The following FAM193A variants were observed in gnomAD, a reference collection of about 807,000 sequenced individuals.
FAM193A encodes protein FAM193A.
In FAM193A, 22 loss-of-function variants were observed where a neutral mutation model predicts 126.5. That is an observed-to-expected ratio of 0.17 (90% CI 0.12 to 0.25). FAM193A has a LOEUF of 0.25. Among genes scored for constraint, FAM193A ranks in the 10% least tolerant of loss-of-function variants. The pLI is 1.00. For synonymous variants in FAM193A, 761 were observed against 646.8 expected, an observed-to-expected ratio of 1.18 and a Z score of -2.68; for missense variants, 1,675 against 1,672.8, an observed-to-expected ratio of 1.00 and a Z score of -0.02.
chr4:2,639,608 G>T, intron 5 of FAM193A, 127 bp from the exon 6 acceptor site: 1 of 633,098 alleles, frequency 1.6e-6, no homozygotes, highest in Non-Finnish European at 2.7e-6. Context: ...GAACACTCTG[G>T]GCCTGTGAAG....
At position 2,597,909 on chromosome 4, in the gene FAM193A, G is replaced by A. The variant is rs1190605086; in HGVS notation, c.501+1580G>A. Among the ~76,000 whole-genome samples, 4 of 151,550 alleles carry A rather than the reference G, an allele frequency of 2.6e-5. No homozygotes were observed. The East Asian group carries it at 7.7e-4, about 29-fold the overall frequency. ...CCTAGCCTCTGGTAACCACTCACCT[G>A]AATTTTTTTTTTTGAGACAGAGTCT... On this transcript the variant is annotated intron_variant, in intron 2 of 20. Coordinates refer to ENST00000637812, the MANE Select transcript of FAM193A (RefSeq NM_001366318.2).
intron 2 of FAM193A, among the ~76,000 whole-genome samples, chr4:2,597,645 C>T (rs1416035017): frequency 1.3e-5 from 2 of 152,100 alleles, no homozygotes; most frequent in Non-Finnish European, 2.9e-5. Context: ...GAAACAGTGA[C>T]CTTGGGAACA....
intron 1 of FAM193A, among the ~76,000 whole-genome samples, chr4:2,554,887 T>G (rs1018270658): frequency 1.3e-5 from 2 of 152,172 alleles, no homozygotes; most frequent in African/African-American, 4.8e-5. Context: ...TAATATAGCC[T>G]CTCCAGCTTT....
At position 2,596,701 on chromosome 4, in the gene FAM193A, C is replaced by G. The variant is rs191686888; in HGVS notation, c.501+372C>G. 2.8e-3 allele frequency among the ~76,000 whole-genome samples: 427 copies of G among 152,320 alleles called. 2 individuals carry two copies. The highest frequency in any genetic ancestry group is 8.9e-3 in the African/African-American group (369 of 41,558). ...TAATTCTTTACGCGATGCTCTTAAG[C>G]CTCACCTTCCCTTTTACTTATTTGT... On this transcript the variant is annotated intron_variant, in intron 2 of 20. Coordinates refer to ENST00000637812, the MANE Select transcript of FAM193A (RefSeq NM_001366318.2).
At chr4:2,691,581 G>A (rs1716384091) in intron 15 of FAM193A, among the ~76,000 whole-genome samples, 1 of 152,072 alleles carries the variant, frequency 6.6e-6, no homozygotes, top group Admixed American at 6.5e-5. Flanking sequence ...GCAATAATGT[G>A]ATCAGAGACC....
At chr4:2,703,308 G>A (rs562470996) in intron 19 of FAM193A, among the ~76,000 whole-genome samples, 5 of 152,204 alleles carry the variant, frequency 3.3e-5, no homozygotes, top group South Asian at 4.1e-4. Flanking sequence ...GTGCAATGGC[G>A]CAATCTCGGC....
chr4:2,701,776 TGATTTTTTTTTTTTTTTGA>T (rs1452279275), intron 19 of FAM193A, among the ~76,000 whole-genome samples: 1 of 150,582 alleles, frequency 6.6e-6, no homozygotes, highest in Non-Finnish European at 1.5e-5. Context: ...TGTCATATGG[TGATTTTTTTTTTTTTTTGA>T]GATGGAGTTT....
At position 2,701,173 on chromosome 4, in the gene FAM193A, A is replaced by G. The variant is rs1577233921; in HGVS notation, c.4372+629A>G. On this transcript the variant is annotated intron_variant, in intron 19 of 20. Coordinates refer to ENST00000637812, the MANE Select transcript of FAM193A (RefSeq NM_001366318.2). ...ATTTCCTCAAGATAAAGACACTTATAAAACCACAGTACAGTGATCAAAATG... is the reference window on the plus strand; with the variant it reads ...ATTTCCTCAAGATAAAGACACTTATGAAACCACAGTACAGTGATCAAAATG... 2.0e-5 allele frequency among the ~76,000 whole-genome samples: 3 copies of G among 152,218 alleles called. No homozygotes were observed. In the East Asian group the frequency reaches 5.8e-4, roughly 29 times the overall value.
intron 20 of FAM193A, among the ~76,000 whole-genome samples, chr4:2,731,264 G>T (rs544950363): frequency 4.6e-5 from 7 of 151,268 alleles, no homozygotes; most frequent in Admixed American, 2.6e-4. Flanking sequence ...AGCTACTTGG[G>T]AGGCTGAGGC....
chr4:2,606,426 A>T (rs1231592672), intron 2 of FAM193A, among the ~76,000 whole-genome samples: 1 of 152,168 alleles, frequency 6.6e-6, no homozygotes, highest in African/African-American at 2.4e-5. Context: ...ACCTGTTGTG[A>T]TAGGTTGTTC....
At chr4:2,604,655 T>A (rs1288842825) in intron 2 of FAM193A, among the ~76,000 whole-genome samples, 1 of 151,842 alleles carries the variant, frequency 6.6e-6, no homozygotes, top group Non-Finnish European at 1.5e-5. Flanking sequence ...TCCCATTCTT[T>A]TTTTTGCACA....
At chr4:2,703,989 C>T (rs1337427758) in intron 19 of FAM193A, among the ~76,000 whole-genome samples, 3 of 151,038 alleles carry the variant, frequency 2.0e-5, no homozygotes, top group Admixed American at 6.6e-5. Context: ...TTAAAGCAGC[C>T]GGGCATGGTG....
At chr4:2,627,781 C>T (rs1392878254) in intron 4 of FAM193A, among the ~76,000 whole-genome samples, 33 of 149,690 alleles carry the variant, frequency 2.2e-4, no homozygotes, top group East Asian at 7.9e-4. Context: ...CTCGCTCTGT[C>T]GCCCAGGCTG....
chr4:2,717,787 G>A (rs1254419551), intron 20 of FAM193A, among the ~76,000 whole-genome samples: 1 of 151,024 alleles, frequency 6.6e-6, no homozygotes, highest in Admixed American at 6.6e-5. Context: ...CCGAGTAGCT[G>A]GGATTACAGG....
rs1740854827 is a variant in FAM193A at position 2,596,251 on chromosome 4, C to T, written c.423C>T (p.His141=). 4 of 702,932 alleles carry T rather than the reference C, an allele frequency of 5.7e-6. No homozygotes were observed. Among genetic ancestry groups the T allele is most frequent in the South Asian group, 1.5e-5 (1 of 67,612 alleles). 43.5% of individuals were successfully genotyped at this position (702,932 alleles called of 1,614,324 possible). Residue 141 remains histidine, a synonymous_variant, in exon 2 of 21, where the codon CAC becomes CAT. Transcript: ENST00000637812. ...CTCCCAAGGGCAACAGCGTGCTGCACCTGCCACTGTGGGTGTGCCCGGACT... is the reference window on the plus strand; with the variant it reads ...CTCCCAAGGGCAACAGCGTGCTGCATCTGCCACTGTGGGTGTGCCCGGACT... ...SMAPKGNSVL[H]LPLWVCPDCR...
chr4:2,662,814 A>C, intron 10 of FAM193A, 24 bp from the exon 11 acceptor site: 1 of 1,592,810 alleles, frequency 6.3e-7, no homozygotes, highest in Non-Finnish European at 8.6e-7. Flanking sequence ...ATGACCTCAC[A>C]GTGACCATCT....
chr4:2,602,691 C>G (rs959207269), intron 2 of FAM193A, among the ~76,000 whole-genome samples: 2 of 151,448 alleles, frequency 1.3e-5, no homozygotes, highest in African/African-American at 2.4e-5. Flanking sequence ...GACGGAATCT[C>G]GCTCTGTTGC....
At chr4:2,562,595 G>C (rs79920923) in intron 1 of FAM193A, among the ~76,000 whole-genome samples, 10,255 of 151,622 alleles carry the variant, frequency 0.068, 618 homozygotes, top group African/African-American at 0.16. Context: ...CTTTACAAAA[G>C]TGGCACCCAC....
intron 7 of FAM193A, chr4:2,654,706 A>C (rs1746003448): frequency 6.0e-6 from 1 of 165,834 alleles, no homozygotes; most frequent in Non-Finnish European, 1.3e-5. Flanking sequence ...GAATCTTCCC[A>C]TCCAAGAATA....
Sources: allele counts gnomAD v4.1 joint callset (sites outside exome capture counted in the v4.1 genomes callset), GRCh38; gene constraint gnomAD v4.1.1; transcripts MANE v1.5; gene names NCBI Gene and HGNC (gene_info 2026-07-23, HGNC 2026-07-21).